Variants in RPF1 observed in about 807,000 individuals in gnomAD.
The protein encoded by RPF1 is ribosome production factor 1.
In RPF1, 34 loss-of-function variants were observed where a neutral mutation model predicts 41.9. That is an observed-to-expected ratio of 0.81 (90% CI 0.62 to 1.08). RPF1 has a LOEUF of 1.08. RPF1 is among the 50% of genes least tolerant of loss of function. RPF1 has a pLI of 0.00. For missense variants in RPF1, 425 were observed against 435.2 expected (o/e 0.98, Z 0.21); for synonymous variants, 140 against 148.9 (o/e 0.94, Z 0.43).
chr1:84,488,880 A>C (rs138495947), intron 3 of RPF1, among the ~76,000 whole-genome samples: 2 of 152,282 alleles, frequency 1.3e-5, no homozygotes, highest in South Asian at 4.1e-4. Context: ...CTTAGAATTA[A>C]TTATATCTGT....
chr1:84,491,315 T>C (rs1681831642), intron 5 of RPF1, among the ~76,000 whole-genome samples: 1 of 152,188 alleles, frequency 6.6e-6, no homozygotes. Context: ...TTAATTTCAT[T>C]AAAATAAAAT....
In RPF1 at chr1:84,496,228, C is replaced by G; in HGVS notation, c.882-16C>G. On this transcript the variant is annotated splice_polypyrimidine_tract_variant and intron_variant, in intron 7 of 8. Coordinates refer to ENST00000370654, the MANE Select transcript of RPF1 (RefSeq NM_025065.7). ...ATAGCTCATTCAGACTAATTTAACT[C>G]TTTTTGTCTTTGAAGATACATATTC... 1 of 1,606,026 alleles carries G rather than the reference C, an allele frequency of 6.2e-7. No homozygotes were observed. Among genetic ancestry groups the G allele is most frequent in the South Asian group, 1.1e-5 (1 of 89,702 alleles).
At chr1:84,483,370 A>C (rs1681685385) in intron 3 of RPF1, 1 of 172,248 alleles carries the variant, frequency 5.8e-6, no homozygotes, top group South Asian at 1.4e-4. Context: ...AGGTTCAAGC[A>C]ATTCTTCTGC....
intron 2 of RPF1, among the ~76,000 whole-genome samples, chr1:84,482,555 T>C (rs767397464): frequency 2.6e-5 from 4 of 152,214 alleles, no homozygotes; most frequent in Non-Finnish European, 4.4e-5. Flanking sequence ...AACAAAGTCA[T>C]GTACGGATGT....
intron 5 of RPF1, among the ~76,000 whole-genome samples, chr1:84,492,032 A>T (rs186820250): frequency 6.6e-6 from 1 of 152,212 alleles, no homozygotes; most frequent in African/African-American, 2.4e-5. Context: ...GTGTTGGTGC[A>T]TGCCTGTAAT....
intron 8 of RPF1, among the ~76,000 whole-genome samples, chr1:84,496,933 G>A (rs939570970): frequency 5.3e-5 from 8 of 152,036 alleles, no homozygotes; most frequent in South Asian, 2.1e-4. Flanking sequence ...GTGCAGGGGC[G>A]CCATCTCGAC....
At chr1:84,482,829 A>T in intron 2 of RPF1, 86 bp from the exon 3 acceptor site, 1 of 783,630 alleles carries the variant, frequency 1.3e-6, no homozygotes, top group Non-Finnish European at 2.2e-6. Flanking sequence ...GTTTGGGGTT[A>T]TTTGTAGCTT....
intron 5 of RPF1, among the ~76,000 whole-genome samples, chr1:84,493,732 A>G (rs980851122): frequency 1.3e-5 from 2 of 152,278 alleles, no homozygotes; most frequent in African/African-American, 4.8e-5. Flanking sequence ...TTCTGACTAC[A>G]TAAAAAGGTG....
rs778753761 is a variant in RPF1, at chr1:84,479,333, C to G, written c.52C>G (p.Arg18Gly). ...SSSSGKKSLKRKAAAEELQEA... is the reference protein window; with the variant it reads ...SSSSGKKSLKGKAAAEELQEA... ...CAGCAGCGGGAAGAAAAGTCTAAAA[C>G]GGAAAGCCGCTGCCGAAGAACTTCA... Residue 18 changes from arginine (R) to glycine (G), a missense_variant, in exon 1 of 9, where the codon CGG becomes GGG. Transcript: ENST00000370654. The G allele has an allele frequency of 6.2e-7, 1 of 1,612,402 alleles. No homozygotes were observed. The highest frequency in any genetic ancestry group is 1.1e-5 in the South Asian group (1 of 91,008).
chr1:84,486,666 G>A (rs191585569), intron 3 of RPF1, among the ~76,000 whole-genome samples: 10 of 151,606 alleles, frequency 6.6e-5, no homozygotes, highest in African/African-American at 2.4e-4. Context: ...CTGCTTTACT[G>A]AGAATGTAGC....
intron 3 of RPF1, among the ~76,000 whole-genome samples, chr1:84,485,296 A>G (rs1272602584): frequency 6.6e-6 from 1 of 151,956 alleles, no homozygotes; most frequent in Non-Finnish European, 1.5e-5. Flanking sequence ...ATGGGGTTTC[A>G]CCATGTTGCC....
chr1:84,486,457 G>C (rs543287356), intron 3 of RPF1, among the ~76,000 whole-genome samples: 23 of 151,798 alleles, frequency 1.5e-4, no homozygotes, highest in Non-Finnish European at 2.7e-4. Flanking sequence ...GTGTGGTGGC[G>C]GGCACCTGTA....
chr1:84,483,194 T>G (rs1263466823), intron 3 of RPF1, 199 bp downstream of exon 3: 1 of 532,216 alleles, frequency 1.9e-6, no homozygotes, highest in Non-Finnish European at 3.4e-6. Context: ...AAAAATTCTA[T>G]AAAAATTCTA....
At position 84,497,516 on chromosome 1, in the gene RPF1, G is replaced by GA; in HGVS notation, c.*48dup. The GA allele has an allele frequency of 7.3e-7, 1 of 1,377,168 alleles. No homozygotes were observed. The highest frequency in any genetic ancestry group is 1.0e-6 in the Non-Finnish European group (1 of 994,538). The allele number at this position is 1,377,168 out of a possible 1,614,324, so 85.3% of individuals were successfully genotyped here. A position where few individuals can be genotyped will look rare whatever the true frequency, so the allele number is the denominator to read the frequency against. The stretch of plus-strand genomic sequence containing the variant: ...GGATTTTGCTGAACAGGCCTATCTT[G>GA]AACTTTGGTAAATTATTTTTGACAG... On this transcript the variant is annotated 3_prime_UTR_variant, in exon 9 of 9. Coordinates refer to ENST00000370654, the MANE Select transcript of RPF1 (RefSeq NM_025065.7).
chr1:84,487,272 A>G (rs936594534), intron 3 of RPF1, among the ~76,000 whole-genome samples: 1 of 152,216 alleles, frequency 6.6e-6, no homozygotes, highest in Non-Finnish European at 1.5e-5. Flanking sequence ...GTGGTACAAG[A>G]GTAGTGTTCC....
chr1:84,481,094 A>G (rs111495410), intron 2 of RPF1, 82 bp downstream of exon 2: 12 of 761,320 alleles, frequency 1.6e-5, no homozygotes, highest in African/African-American at 5.3e-5. Flanking sequence ...ACTTTCTTTT[A>G]AAATTTATTA....
intron 5 of RPF1, 143 bp downstream of exon 5, chr1:84,490,615 T>G (rs1163589515): frequency 5.1e-6 from 3 of 587,110 alleles, no homozygotes; most frequent in Non-Finnish European, 8.4e-6. Context: ...TCCAAGAGTC[T>G]ATAAACTGAT....
In RPF1 at chr1:84,497,456, A is replaced by G; in HGVS notation, c.1036A>G (p.Lys346Glu). The G allele has an allele frequency of 6.2e-7, 1 of 1,611,882 alleles. No individual in the cohort carries two copies. Among genetic ancestry groups the G allele is most frequent in the Non-Finnish European group, 8.5e-7 (1 of 1,178,666 alleles). Residue 346 changes from lysine to glutamate, a missense_variant, in exon 9 of 9, where the codon AAA (lysine) becomes GAA (glutamate). Coordinates refer to ENST00000370654, the MANE Select transcript of RPF1 (RefSeq NM_025065.7). ...CCGGGAAATGGATACAAGTAGAAGA[A>G]AATTCCATTTATAAAGTACTGAGAG... ...KPREMDTSRRKFHL is the reference protein window; with the variant it reads ...KPREMDTSRREFHL
At chr1:84,480,434 ATAATCT>A (rs1681622883) in intron 1 of RPF1, among the ~76,000 whole-genome samples, 1 of 152,234 alleles carries the variant, frequency 6.6e-6, no homozygotes, top group Non-Finnish European at 1.5e-5. Context: ...ACAAATACAG[ATAATCT>A]TAAGCCACCT....
Sources: gnomAD v4.1 joint callset for allele counts (sites outside exome capture counted in the v4.1 genomes callset) on GRCh38, gnomAD v4.1.1 for gene constraint, MANE v1.5 for transcripts, NCBI Gene and HGNC (gene_info 2026-07-23, HGNC 2026-07-21) for gene names.